The following CCDC3 variants were observed in gnomAD, a reference collection of about 807,000 sequenced individuals.
CCDC3 encodes coiled-coil domain containing 3.
CCDC3 carries 24 observed loss-of-function variants against 21.4 expected under a neutral mutation model. That is an observed-to-expected ratio of 1.12 (90% CI 0.81 to 1.58). The LOEUF (loss-of-function observed/expected upper bound fraction) is 1.58, where lower values mean the gene tolerates loss of function less well. Among genes scored for constraint, CCDC3 ranks in the 40% most tolerant of loss-of-function variants. The probability of loss-of-function intolerance (pLI) is 0.00; values close to 1 mark genes in which losing one functional copy is unlikely to be tolerated. For synonymous variants in CCDC3, 186 were observed against 166.0 expected (o/e 1.12, Z -0.93); for missense variants, 425 against 360.9 (o/e 1.18, Z -1.44).
chr10:13,083,955 A>AT (rs886951567), intron 3 of CCDC3, among the ~76,000 whole-genome samples: 29 of 151,928 alleles, frequency 1.9e-4, no homozygotes, highest in South Asian at 6.3e-4. Context: ...CTAAATGCTG[A>AT]TTTTTTTTTC....
At chr10:12,921,592 T>C (rs888310844) in intron 2 of CCDC3, among the ~76,000 whole-genome samples, 1 of 152,266 alleles carries the variant, frequency 6.6e-6, no homozygotes, top group African/African-American at 2.4e-5. Context: ...TTTACCATCT[T>C]AACCATTTTA....
At chr10:13,089,917 G>A (rs908076061) in intron 3 of CCDC3, among the ~76,000 whole-genome samples, 2 of 148,832 alleles carry the variant, frequency 1.3e-5, no homozygotes, top group African/African-American at 5.0e-5. Flanking sequence ...GAGAACATAC[G>A]ATGTTTGGTT....
chr10:13,083,871 C>T (rs1837072355), intron 3 of CCDC3, among the ~76,000 whole-genome samples: 1 of 152,224 alleles, frequency 6.6e-6, no homozygotes, highest in Admixed American at 6.5e-5. Context: ...CAGGTGTGCT[C>T]TTGCCATTTT....
At chr10:12,995,137 A>G (rs1835741572) in intron 2 of CCDC3, among the ~76,000 whole-genome samples, 2 of 152,080 alleles carry the variant, frequency 1.3e-5, no homozygotes, top group South Asian at 4.1e-4. Context: ...AACTATTTTA[A>G]TCACTCCAGG....
intron 4 of CCDC3, among the ~76,000 whole-genome samples, chr10:13,070,730 C>A (rs527887837): frequency 6.6e-6 from 1 of 152,216 alleles, no homozygotes; most frequent in East Asian, 1.9e-4. Flanking sequence ...TCTAAAAGGC[C>A]TATGTGGAAA....
At chr10:12,909,483 G>GTGCA (rs1834231495) in intron 2 of CCDC3, among the ~76,000 whole-genome samples, 1 of 152,214 alleles carries the variant, frequency 6.6e-6, no homozygotes, top group Non-Finnish European at 1.5e-5. Context: ...GCTGAGTGAG[G>GTGCA]TGCACTGTGT....
At chr10:13,068,838 G>C (rs1401807370) in intron 4 of CCDC3, among the ~76,000 whole-genome samples, 1 of 152,240 alleles carries the variant, frequency 6.6e-6, no homozygotes, top group Non-Finnish European at 1.5e-5. Flanking sequence ...AGAACAGTAA[G>C]ATGTGTTTTT....
chr10:12,958,537 A>G lies in CCDC3; in HGVS notation c.549+39801T>C, dbSNP rs11815633. Among the ~76,000 whole-genome samples, 1,345 of 152,336 alleles carry G rather than the reference A, an allele frequency of 8.8e-3. 17 individuals are homozygous for G. Among genetic ancestry groups the G allele is most frequent in the African/African-American group, 0.031 (1,296 of 41,574 alleles). ...CCCCATAGGGTCAAGAGCAGCCCAG[A>G]CGATGTGGCAAACGGCAGTAGTGCC... On this transcript the variant is annotated intron_variant, in intron 2 of 2. Transcript: ENST00000378825.
intron 5 of CCDC3, among the ~76,000 whole-genome samples, chr10:13,023,853 G>T (rs1242711978): frequency 1.3e-5 from 2 of 152,170 alleles, no homozygotes; most frequent in Non-Finnish European, 2.9e-5. Context: ...GTGAACTAAA[G>T]AGGTGTGTTT....
In CCDC3 at chr10:13,065,960, G is replaced by A. The variant is rs141891644; in HGVS notation, c.-270+7908C>T. 1.1e-4 allele frequency among the ~76,000 whole-genome samples: 16 copies of A among 152,304 alleles called. No individual in the cohort carries two copies. The East Asian group carries it at 2.9e-3, about 28-fold the overall frequency. ...AAAGAATGAGTGAACGAATGAGTGGGAAGTGAGTTGGAAGACCTCTGCAAC... is the reference window on the plus strand; with the variant it reads ...AAAGAATGAGTGAACGAATGAGTGGAAAGTGAGTTGGAAGACCTCTGCAAC... On this transcript the variant is annotated intron_variant, in intron 4 of 6. Transcript: ENST00000378839.
chr10:12,963,162 T>C (rs1835206030), intron 2 of CCDC3, among the ~76,000 whole-genome samples: 1 of 152,196 alleles, frequency 6.6e-6, no homozygotes, highest in Non-Finnish European at 1.5e-5. Flanking sequence ...ATTAACACAT[T>C]AAGCGATCAT....
rs187689046 is a variant in CCDC3 at position 12,971,086 on chromosome 10, G to C, written c.549+27252C>G. ...TTACAGAATTTTGAAGGGAAGAAAA[G>C]CCTTATACCGTTAATGTGAATCAGA... is the stretch of plus-strand genomic sequence containing the variant. On this transcript the variant is annotated intron_variant, in intron 2 of 2. Transcript: ENST00000378825. Among the ~76,000 whole-genome samples, 104 of 152,274 alleles carry C rather than the reference G, an allele frequency of 6.8e-4. 1 individual carries two copies. The highest frequency in any genetic ancestry group is 3.4e-3 in the Middle Eastern group (1 of 294).
At position 13,001,363 on chromosome 10, in the gene CCDC3, G is replaced by A; in HGVS notation, c.208C>T (p.Gln70Ter). Residue 70 changes from glutamine (Q) to a stop codon, truncating the protein, a stop_gained, in exon 1 of 3, where the codon CAG becomes TAG. Coordinates refer to ENST00000378825, the MANE Select transcript of CCDC3 (RefSeq NM_031455.4). LOFTEE classifies it high-confidence loss of function. The part of the protein sequence containing the change: ...NHLPWQYHAG[Q>*]GGLFYSAEVE... ...TCGGCCGAGTAGAAGAGGCCCCCCT[G>A]GCCGGCGTGGTACTGCCAGGGCAGG... The A allele has an allele frequency of 4.4e-6, 7 of 1,595,912 alleles. No homozygotes were observed. Among genetic ancestry groups the A allele is most frequent in the Non-Finnish European group, 6.0e-6 (7 of 1,172,490 alleles).
At chr10:12,959,677 T>A (rs1045378435) in intron 2 of CCDC3, among the ~76,000 whole-genome samples, 5 of 152,066 alleles carry the variant, frequency 3.3e-5, no homozygotes, top group Non-Finnish European at 5.9e-5. Flanking sequence ...AACCATTCCC[T>A]CCAAACTCCT....
At chr10:12,943,234 G>C (rs555803672) in intron 2 of CCDC3, among the ~76,000 whole-genome samples, 1 of 152,192 alleles carries the variant, frequency 6.6e-6, no homozygotes, top group African/African-American at 2.4e-5. Flanking sequence ...AAATAGAGTG[G>C]TCAGCATTAG....
intron 5 of CCDC3, among the ~76,000 whole-genome samples, chr10:13,037,556 C>G (rs969317088): frequency 6.6e-6 from 1 of 151,948 alleles, no homozygotes; most frequent in Non-Finnish European, 1.5e-5. Flanking sequence ...CTTTTTCTTT[C>G]CACGCCACTG....
intron 2 of CCDC3, among the ~76,000 whole-genome samples, chr10:12,975,187 A>C (rs1866626): frequency 0.57 from 86,699 of 151,934 alleles, 24,771 homozygotes; most frequent in South Asian, 0.65. Flanking sequence ...TCTTCCCAAG[A>C]CCCTGACCCG....
chr10:13,083,640 C>T (rs555375921), intron 3 of CCDC3, among the ~76,000 whole-genome samples: 1 of 152,342 alleles, frequency 6.6e-6, no homozygotes, highest in African/African-American at 2.4e-5. Context: ...ACAGCCTATG[C>T]CCCTTCCTTA....
chr10:13,058,434 C>T (rs112156578), intron 4 of CCDC3: 8 of 771,980 alleles, frequency 1.0e-5, no homozygotes, highest in South Asian at 4.0e-5. Context: ...TTTGGCAGTT[C>T]GTGTGCATAT....
Sources: allele counts gnomAD v4.1 joint callset (sites outside exome capture counted in the v4.1 genomes callset), GRCh38; gene constraint gnomAD v4.1.1; transcripts MANE v1.5; gene names NCBI Gene and HGNC (gene_info 2026-07-23, HGNC 2026-07-21).